Variants in MRC1 observed in about 807,000 individuals in gnomAD.
The protein encoded by MRC1 is macrophage mannose receptor 1.
Under a neutral mutation model 102.9 loss-of-function variants are expected in MRC1, and 62 were observed. The observed-to-expected ratio is 0.60, with a 90% CI of 0.49 to 0.74. MRC1 has a LOEUF of 0.74. Among genes scored for constraint, MRC1 ranks in the 30% least tolerant of loss-of-function variants. The pLI is 0.00. For synonymous variants in MRC1, 457 were observed against 298.4 expected, an observed-to-expected ratio of 1.53 and a Z score of -5.48; for missense variants, 1,237 against 862.8, an observed-to-expected ratio of 1.43 and a Z score of -5.43.
Position 17,821,157 on chromosome 10 carries a change from C to T in MRC1, c.62-1917C>T, listed in dbSNP as rs574051414. ...AAATCAAAGCAGCATGAATGAGTAA[C>T]CCAGCAGAGGAGCCCAGGCAGAGGT... On this transcript the variant is annotated intron_variant, in intron 1 of 29. Transcript: ENST00000569591. Among the ~76,000 whole-genome samples, 685 of 152,210 alleles carry T rather than the reference C, an allele frequency of 4.5e-3. 8 individuals carry two copies. In the Middle Eastern group the frequency reaches 0.065, roughly 14 times the overall value.
intron 7 of MRC1, among the ~76,000 whole-genome samples, chr10:17,850,997 T>C (rs1352702976): frequency 2.0e-5 from 3 of 152,106 alleles, no homozygotes; most frequent in Non-Finnish European, 4.4e-5. Context: ...AAATTCACAA[T>C]AGAAGATAAT....
At chr10:17,870,709 A>G in intron 13 of MRC1, 139 bp from the exon 14 acceptor site, 1 of 766,066 alleles carries the variant, frequency 1.3e-6, no homozygotes, top group Admixed American at 1.8e-5. Flanking sequence ...TAAGTCTTCT[A>G]TTTAGCTGTT....
At chr10:17,849,512 T>C (rs1838879471) in intron 6 of MRC1, 67 bp from the exon 7 acceptor site, 2 of 747,970 alleles carry the variant, frequency 2.7e-6, no homozygotes, top group East Asian at 2.5e-5. Context: ...ATAAAATGAT[T>C]AAAATATTGT....
At chr10:17,812,992 A>G (rs1838249131) in intron 1 of MRC1, among the ~76,000 whole-genome samples, 1 of 152,192 alleles carries the variant, frequency 6.6e-6, no homozygotes, top group African/African-American at 2.4e-5. Flanking sequence ...AACATCTGCA[A>G]AAAATGATAA....
At chr10:17,828,718 G>A (rs1399798182) in intron 3 of MRC1, among the ~76,000 whole-genome samples, 2 of 151,598 alleles carry the variant, frequency 1.3e-5, no homozygotes, top group Non-Finnish European at 2.9e-5. Flanking sequence ...TAATTTATAT[G>A]CTTCAAGGTT....
At position 17,910,652 on chromosome 10, in the gene MRC1, G is replaced by A; in HGVS notation, c.*187G>A. 1 of 656,614 alleles carries A rather than the reference G, an allele frequency of 1.5e-6. No homozygotes were observed. The highest frequency in any genetic ancestry group is 2.7e-6 in the Non-Finnish European group (1 of 366,680). 40.7% of individuals were successfully genotyped at this position (656,614 alleles called of 1,614,324 possible). ...CCTGGCAAGATATTTTCATAAAAGA[G>A]GGATAACAATGCTGATTACTACCTT... On this transcript the variant is annotated 3_prime_UTR_variant, in exon 30 of 30. Coordinates refer to ENST00000569591, the MANE Select transcript of MRC1 (RefSeq NM_002438.4).
At chr10:17,812,031 A>G (rs1838231386) in intron 1 of MRC1, among the ~76,000 whole-genome samples, 1 of 151,912 alleles carries the variant, frequency 6.6e-6, no homozygotes, top group Non-Finnish European at 1.5e-5. Context: ...CACTAGGAAA[A>G]CCCATGGGAA....
chr10:17,833,629 G>A (rs1838615731), intron 3 of MRC1, 46 bp from the exon 4 acceptor site: 2 of 780,648 alleles, frequency 2.6e-6, no homozygotes, highest in Non-Finnish European at 2.4e-6. Context: ...CACTGGAAGT[G>A]TTTTCTATGC....
In MRC1 at chr10:17,885,233, C is replaced by T. The variant is rs939198065; in HGVS notation, c.2981-36C>T. On this transcript the variant is annotated intron_variant, in intron 21 of 29. Transcript: ENST00000569591. The stretch of plus-strand genomic sequence containing the variant: ...TTTCCATATTTTGAGTATTAACTCT[C>T]AAAGTTTAAAATTATATCATGAAAT... 6 of 780,316 alleles carry T rather than the reference C, an allele frequency of 7.7e-6. No homozygotes were observed. In the South Asian group the frequency reaches 8.1e-5, roughly 10 times the overall value. 48.3% of individuals were successfully genotyped at this position (780,316 alleles called of 1,614,324 possible).
intron 26 of MRC1, among the ~76,000 whole-genome samples, chr10:17,906,014 G>A (rs1214993219): frequency 1.3e-5 from 2 of 152,160 alleles, no homozygotes; most frequent in Non-Finnish European, 2.9e-5. Flanking sequence ...AAAATTTAAT[G>A]TTGACAATCT....
chr10:17,816,894 C>T (rs1014333928), intron 1 of MRC1, among the ~76,000 whole-genome samples: 7 of 152,072 alleles, frequency 4.6e-5, no homozygotes, highest in African/African-American at 1.7e-4. Context: ...ATTTTCTTTG[C>T]TAGTAGGCTT....
At chr10:17,843,295 GT>G (rs1456126126) in intron 5 of MRC1, among the ~76,000 whole-genome samples, 3 of 152,080 alleles carry the variant, frequency 2.0e-5, no homozygotes, top group Non-Finnish European at 4.4e-5. Context: ...TGTTATTTTA[GT>G]TACAGTATCA....
intron 8 of MRC1, among the ~76,000 whole-genome samples, chr10:17,854,373 G>A (rs983467033): frequency 3.3e-5 from 5 of 152,304 alleles, no homozygotes; most frequent in Admixed American, 2.6e-4. Context: ...TTTTGTCATT[G>A]TGGTTGTTTT....
intron 11 of MRC1, among the ~76,000 whole-genome samples, chr10:17,864,523 G>A (rs1490997435): frequency 6.6e-6 from 1 of 151,972 alleles, no homozygotes; most frequent in Non-Finnish European, 1.5e-5. Flanking sequence ...GTAAGCTTCA[G>A]TATCTTCATT....
At chr10:17,867,364 CCTTCTTCTT>C (rs782794499) in intron 12 of MRC1, among the ~76,000 whole-genome samples, 69 of 141,352 alleles carry the variant, frequency 4.9e-4, no homozygotes, top group Non-Finnish European at 9.5e-4. Flanking sequence ...TTCTCCTTCT[CCTTCTTCTT>C]CTTCTTCTTC....
At position 17,902,070 on chromosome 10, in the gene MRC1, G is replaced by A. The variant is rs933652180; in HGVS notation, c.3747G>A (p.Glu1249=). Residue 1249 remains glutamate, a synonymous_variant, in exon 26 of 30, where the codon GAG becomes GAA. Transcript: ENST00000569591. ...TCCATGGTCACTGTTACTATATTGAGTCCTCATATACAAGAAACTGGGGCC... is the reference window on the plus strand; with the variant it reads ...TCCATGGTCACTGTTACTATATTGAATCCTCATATACAAGAAACTGGGGCC... ...IPFHGHCYYI[E]SSYTRNWGQA... The A allele has an allele frequency of 2.6e-6, 2 of 780,770 alleles. No homozygotes were observed. The highest frequency in any genetic ancestry group is 2.4e-6 in the Non-Finnish European group (1 of 417,954). 48.4% of individuals were successfully genotyped at this position (780,770 alleles called of 1,614,324 possible).
intron 1 of MRC1, among the ~76,000 whole-genome samples, chr10:17,817,707 A>T (rs1838333700): frequency 6.6e-6 from 1 of 152,226 alleles, no homozygotes; most frequent in Non-Finnish European, 1.5e-5. Context: ...GATTGCAGAG[A>T]AATTAAAACA....
At chr10:17,887,213 C>T (rs1288898555) in intron 22 of MRC1, among the ~76,000 whole-genome samples, 1 of 152,082 alleles carries the variant, frequency 6.6e-6, no homozygotes, top group African/African-American at 2.4e-5. Context: ...CAGGGAGAAA[C>T]CCCGTCTCTA....
chr10:17,852,033 G>A (rs1029832065), intron 7 of MRC1, among the ~76,000 whole-genome samples: 4 of 152,152 alleles, frequency 2.6e-5, no homozygotes, highest in South Asian at 2.1e-4. Context: ...ACTCCCAGTC[G>A]TGTGAATTAG....
Sources: allele counts gnomAD v4.1 joint callset (sites outside exome capture counted in the v4.1 genomes callset), GRCh38; gene constraint gnomAD v4.1.1; transcripts MANE v1.5; gene names NCBI Gene and HGNC (gene_info 2026-07-23, HGNC 2026-07-21).